Variants in TMEM108 observed in about 807,000 individuals in gnomAD.
The protein encoded by TMEM108 is transmembrane protein 108.
Under a neutral mutation model 35.1 loss-of-function variants are expected in TMEM108, and 12 were observed. That is an observed-to-expected ratio of 0.34 (90% CI 0.22 to 0.55). The LOEUF is 0.55. TMEM108 is among the 20% of genes least tolerant of loss of function. The pLI is 0.89. For synonymous variants in TMEM108, 287 were observed against 308.6 expected (o/e 0.93, Z 0.73); for missense variants, 680 against 753.3 (o/e 0.90, Z 1.14).
chr3:133,186,512 T>A (rs77811942), intron 2 of TMEM108, among the ~76,000 whole-genome samples: 1 of 152,362 alleles, frequency 6.6e-6, no homozygotes, highest in African/African-American at 2.4e-5. Context: ...TTTAATATCC[T>A]GAAAAGGCTT....
chr3:133,089,032 G>C (rs1943915663), intron 2 of TMEM108, among the ~76,000 whole-genome samples: 1 of 152,176 alleles, frequency 6.6e-6, no homozygotes, highest in South Asian at 2.1e-4. Context: ...GGAGTGAGCT[G>C]TCTCACATGG....
chr3:133,129,343 C>A (rs1263327059), intron 2 of TMEM108, among the ~76,000 whole-genome samples: 1 of 114,524 alleles, frequency 8.7e-6, no homozygotes, highest in Non-Finnish European at 1.9e-5. Context: ...AGACTCCGCA[C>A]CCACACCCCC....
intron 3 of TMEM108, among the ~76,000 whole-genome samples, chr3:133,298,450 A>G (rs1287999439): frequency 6.6e-6 from 1 of 152,044 alleles, no homozygotes; most frequent in Non-Finnish European, 1.5e-5. Context: ...CCCCTGGTGA[A>G]TTTTCATATT....
intron 3 of TMEM108, among the ~76,000 whole-genome samples, chr3:133,373,131 C>G (rs1317729443): frequency 6.6e-6 from 1 of 152,030 alleles, no homozygotes. Context: ...TTCTGAGAGG[C>G]CAAGGCAGGC....
intron 3 of TMEM108, among the ~76,000 whole-genome samples, chr3:133,263,946 C>T (rs1452517927): frequency 6.6e-6 from 1 of 152,264 alleles, no homozygotes; most frequent in East Asian, 1.9e-4. Flanking sequence ...CATTTTCCAG[C>T]TCAGAGGTGA....
chr3:133,179,992 C>T (rs536428925), intron 2 of TMEM108, among the ~76,000 whole-genome samples: 8 of 151,592 alleles, frequency 5.3e-5, no homozygotes, highest in African/African-American at 1.7e-4. Context: ...TAAAATATCT[C>T]GAAAACCATT....
At chr3:133,243,186 A>G (rs1946336913) in intron 3 of TMEM108, among the ~76,000 whole-genome samples, 2 of 152,102 alleles carry the variant, frequency 1.3e-5, no homozygotes, top group South Asian at 4.2e-4. Flanking sequence ...ACTATGAGGT[A>G]GGGACAGCCC....
At chr3:133,125,280 A>C (rs1944401260) in intron 2 of TMEM108, 1 of 152,224 alleles carries the variant, frequency 6.6e-6, no homozygotes, top group South Asian at 2.1e-4. Flanking sequence ...GAAAAGGCAC[A>C]GTTGACCAAA....
chr3:133,043,655 C>G (rs1943301899), intron 1 of TMEM108, among the ~76,000 whole-genome samples: 1 of 152,036 alleles, frequency 6.6e-6, no homozygotes, highest in Admixed American at 6.6e-5. Flanking sequence ...ATGTTCAGTT[C>G]CCTTCTAATT....
intron 3 of TMEM108, among the ~76,000 whole-genome samples, chr3:133,301,442 A>G (rs1256986269): frequency 1.3e-5 from 2 of 152,202 alleles, no homozygotes; most frequent in South Asian, 2.1e-4. Context: ...GTCATTTCCT[A>G]TCATGCACAG....
chr3:133,279,040 C>A (rs1946875738), intron 3 of TMEM108, among the ~76,000 whole-genome samples: 1 of 152,212 alleles, frequency 6.6e-6, no homozygotes, highest in African/African-American at 2.4e-5. Flanking sequence ...AGGGGGCTTA[C>A]TTAAAACCAG....
chr3:133,310,603 G>A (rs1379672961), intron 3 of TMEM108, among the ~76,000 whole-genome samples: 1 of 105,984 alleles, frequency 9.4e-6, no homozygotes, highest in Non-Finnish European at 1.8e-5. Context: ...CCTTTATTTT[G>A]AGCCTATGTG....
At chr3:133,329,880 G>A (rs988785210) in intron 3 of TMEM108, among the ~76,000 whole-genome samples, 5 of 152,152 alleles carry the variant, frequency 3.3e-5, no homozygotes, top group Admixed American at 6.5e-5. Context: ...AGGATAGTGT[G>A]TGGTTATATT....
intron 2 of TMEM108, among the ~76,000 whole-genome samples, chr3:133,134,554 A>G (rs1014463910): frequency 6.7e-6 from 1 of 149,180 alleles, no homozygotes; most frequent in Non-Finnish European, 1.5e-5. Context: ...TATTAACGCT[A>G]TTTCTTTCCC....
At chr3:133,070,285 T>G (rs1351899817) in intron 2 of TMEM108, among the ~76,000 whole-genome samples, 31 of 152,148 alleles carry the variant, frequency 2.0e-4, no homozygotes. Context: ...TCTGGAAAGG[T>G]TCTGGTCTTG....
At chr3:133,340,608 CA>C (rs199764529) in intron 3 of TMEM108, among the ~76,000 whole-genome samples, 5 of 147,538 alleles carry the variant, frequency 3.4e-5, no homozygotes, top group Non-Finnish European at 7.5e-5. Flanking sequence ...AGAGACACAT[CA>C]AAAAAAAACA....
chr3:133,070,549 G>A (rs949201308), intron 2 of TMEM108, among the ~76,000 whole-genome samples: 2 of 152,066 alleles, frequency 1.3e-5, no homozygotes, highest in Non-Finnish European at 2.9e-5. Flanking sequence ...CAGATATAAA[G>A]GAAACACATA....
At chr3:133,219,388 T>C (rs1321014539) in intron 2 of TMEM108, among the ~76,000 whole-genome samples, 1 of 152,000 alleles carries the variant, frequency 6.6e-6, no homozygotes, top group South Asian at 2.1e-4. Flanking sequence ...CCTTCTAACT[T>C]TGGGCTTAAT....
chr3:133,244,808 G>A (rs1036522340), intron 3 of TMEM108, among the ~76,000 whole-genome samples: 1 of 152,178 alleles, frequency 6.6e-6, no homozygotes. Flanking sequence ...ATAAAGAAGG[G>A]CAGTCTCTGT....
Sources: gnomAD v4.1 joint callset for allele counts (sites outside exome capture counted in the v4.1 genomes callset) on GRCh38, gnomAD v4.1.1 for gene constraint, MANE v1.5 for transcripts, NCBI Gene and HGNC (gene_info 2026-07-23, HGNC 2026-07-21) for gene names.